PFKFB1: variants seen among roughly 807,000 people sequenced by gnomAD.
The protein encoded by PFKFB1 is 6-phosphofructo-2-kinase/fructose-2,6-bisphosphatase 1.
A neutral mutation model predicts 46.4 loss-of-function variants in PFKFB1; 34 were observed. The ratio of observed to expected loss-of-function variants is 0.73; its 90% CI spans 0.56 to 0.98. The LOEUF is 0.98. Among genes scored for constraint, PFKFB1 ranks in the 50% least tolerant of loss-of-function variants. The pLI is 0.00. For synonymous variants in PFKFB1, 119 were observed against 133.8 expected (o/e 0.89, Z 0.76); for missense variants, 393 against 376.3 (o/e 1.04, Z -0.37).
At chrX:54,936,401 A>G (rs774909575) in intron 11 of PFKFB1, among the ~76,000 whole-genome samples, 1 of 111,217 alleles carries the variant, frequency 9.0e-6, no homozygotes, top group African/African-American at 3.3e-5. Context: ...ACATCTGTCC[A>G]GTGCTGCCCT....
At chrX:54,971,708 G>A (rs1346358253) in intron 1 of PFKFB1, among the ~76,000 whole-genome samples, 1 of 111,741 alleles carries the variant, frequency 8.9e-6, no homozygotes, top group African/African-American at 3.3e-5. Context: ...TCTCTGTTTT[G>A]GTACCAGTAC....
chrX:54,988,255 A>C (rs1935154840), intron 1 of PFKFB1, among the ~76,000 whole-genome samples: 1 of 111,783 alleles, frequency 8.9e-6, no homozygotes, highest in Admixed American at 9.5e-5. Flanking sequence ...GCATCAAAAC[A>C]ATAAAATGCT....
At position 54,937,712 on chromosome X, in the gene PFKFB1, G is replaced by T. The variant is rs1373297950; in HGVS notation, c.1111C>A (p.Leu371Met). 14 of 1,208,533 alleles carry T rather than the reference G, an allele frequency of 1.2e-5. No individual in the cohort carries two copies. Among genetic ancestry groups the T allele is most frequent in the Non-Finnish European group, 1.6e-5 (14 of 892,940 alleles). Residue 371 changes from leucine to methionine, a missense_variant, in exon 11 of 14, where the codon CTG (leucine) becomes ATG (methionine). Physicochemically the swap from Leu to Met is conservative, Grantham distance 15. Coordinates refer to ENST00000375006, the MANE Select transcript of PFKFB1 (RefSeq NM_002625.4). ...ATCACTGGCTCCAGACGCTGAACCA[G>T]ATCCTCATAGGACTAAACGTAAGAG... ...RYPKGESYED[L>M]VQRLEPVIME... is the part of the protein sequence containing the mutation.
chrX:54,948,955 G>C lies in PFKFB1; in HGVS notation c.993+120C>G. On this transcript the variant is annotated intron_variant, in intron 9 of 13. Transcript: ENST00000375006. ...AATAAGGTCTAGCACATGGCTAGTT[G>C]TCAAAAAAGTTTGTTGAATTAATTA... The C allele has an allele frequency of 6.4e-6, 5 of 781,505 alleles. No individual in the cohort carries two copies. The Admixed American group carries it at 1.3e-4, about 21-fold the overall frequency. 64.4% of individuals were successfully genotyped at this position (781,505 alleles called of 1,213,427 possible). A position where few individuals can be genotyped will look rare whatever the true frequency, so the allele number is the denominator to read the frequency against.
At chrX:54,954,204 T>C (rs936228267) in intron 7 of PFKFB1, among the ~76,000 whole-genome samples, 1 of 112,428 alleles carries the variant, frequency 8.9e-6, no homozygotes, top group South Asian at 3.7e-4. Context: ...GTTTTTGAAA[T>C]AGTCAATATT....
At position 54,938,757 on chromosome X, in the gene PFKFB1, T is replaced by A. The variant is rs1181792945; in HGVS notation, c.1099-1033A>T. Among the ~76,000 whole-genome samples, 22 of 111,459 alleles carry A rather than the reference T, an allele frequency of 2.0e-4. No individual in the cohort carries two copies. In the East Asian group the frequency reaches 5.1e-3, roughly 26 times the overall value. On this transcript the variant is annotated intron_variant, in intron 10 of 13. Coordinates refer to ENST00000375006, the MANE Select transcript of PFKFB1 (RefSeq NM_002625.4). The stretch of plus-strand genomic sequence containing the variant: ...TTCATAAAGCAAGTCCTGAGTGACC[T>A]ACAAAGAGACTTAGACTCCCACACA...
intron 1 of PFKFB1, among the ~76,000 whole-genome samples, chrX:54,977,329 C>G (rs1934865441): frequency 9.0e-6 from 1 of 110,508 alleles, no homozygotes; most frequent in Admixed American, 9.7e-5. Context: ...ACACTGTACT[C>G]TAATTGATAA....
At chrX:54,998,190 C>G (rs1176305500), upstream of PFKFB1, among the ~76,000 whole-genome samples, 1 of 112,288 alleles carries the variant, frequency 8.9e-6, no homozygotes, top group Non-Finnish European at 1.9e-5. Context: ...GTGAATTGCC[C>G]TGGGGGCCAG....
intron 1 of PFKFB1, among the ~76,000 whole-genome samples, chrX:54,966,348 A>C (rs1934474237): frequency 8.9e-6 from 1 of 112,258 alleles, no homozygotes; most frequent in African/African-American, 3.2e-5. Flanking sequence ...AGTACCAACT[A>C]AACAATTGCA....
intron 1 of PFKFB1, among the ~76,000 whole-genome samples, chrX:54,983,366 C>T (rs1475967476): frequency 9.0e-6 from 1 of 111,162 alleles, no homozygotes; most frequent in Non-Finnish European, 1.9e-5. Flanking sequence ...TGTTGTTCCC[C>T]TCTATGTCCA....
Position 54,933,175 on chromosome X carries a change from T to A in PFKFB1, c.*228A>T, listed in dbSNP as rs1324907338. 15 of 417,194 alleles carry A rather than the reference T, an allele frequency of 3.6e-5. 1 individual carries two copies. Among genetic ancestry groups the A allele is most frequent in the South Asian group, 3.3e-4 (9 of 26,921 alleles). The allele number at this position is 417,194 out of a possible 1,213,427, so 34.4% of individuals were successfully genotyped here. ...CTCCTCTCCTCTTGTAGGCAGTAAGTCTTTATTCGTCAGAGAATAGGAATT... is the reference window on the plus strand; with the variant it reads ...CTCCTCTCCTCTTGTAGGCAGTAAGACTTTATTCGTCAGAGAATAGGAATT... On this transcript the variant is annotated 3_prime_UTR_variant, in exon 14 of 14. Transcript: ENST00000375006.
intron 12 of PFKFB1, among the ~76,000 whole-genome samples, chrX:54,934,481 G>T (rs1480731183): frequency 9.0e-6 from 1 of 111,490 alleles, no homozygotes; most frequent in African/African-American, 3.3e-5. Flanking sequence ...CTTCATCCCT[G>T]TGGACTGCAC....
At chrX:54,974,838 C>T (rs1242362166) in intron 1 of PFKFB1, among the ~76,000 whole-genome samples, 1 of 111,322 alleles carries the variant, frequency 9.0e-6, no homozygotes, top group Non-Finnish European at 1.9e-5. Context: ...AAACAGCGAA[C>T]AAACACATGA....
intron 1 of PFKFB1, among the ~76,000 whole-genome samples, chrX:54,976,012 T>C (rs1359938558): frequency 9.0e-6 from 1 of 111,459 alleles, no homozygotes; most frequent in Non-Finnish European, 1.9e-5. Context: ...TGGGAGAGAA[T>C]GTAAAATATT....
chrX:54,939,946 A>G (rs921660578), intron 10 of PFKFB1, among the ~76,000 whole-genome samples: 3 of 111,915 alleles, frequency 2.7e-5, no homozygotes, highest in African/African-American at 9.8e-5. Flanking sequence ...AAAAAAGGAG[A>G]ATTTTAGACC....
At chrX:54,974,213 C>T (rs1285740174) in intron 1 of PFKFB1, among the ~76,000 whole-genome samples, 1 of 111,967 alleles carries the variant, frequency 8.9e-6, no homozygotes, top group African/African-American at 3.2e-5. Flanking sequence ...TACTGCAAGG[C>T]TATAGTTACC....
intron 1 of PFKFB1, among the ~76,000 whole-genome samples, chrX:54,980,239 C>T (rs142410941): frequency 1.9e-4 from 21 of 110,991 alleles, no homozygotes; most frequent in Admixed American, 8.6e-4. Context: ...TAAGCCACTA[C>T]GTTTTGAGGT....
chrX:54,947,366 G>T (rs1001007894), intron 9 of PFKFB1, among the ~76,000 whole-genome samples: 1 of 111,762 alleles, frequency 8.9e-6, no homozygotes, highest in African/African-American at 3.3e-5. Flanking sequence ...GAATGAATTA[G>T]ATCAATTTCC....
At chrX:54,969,999 C>T (rs1392308205) in intron 1 of PFKFB1, among the ~76,000 whole-genome samples, 1 of 111,727 alleles carries the variant, frequency 9.0e-6, no homozygotes, top group East Asian at 2.8e-4. Context: ...ACCTCTGCTT[C>T]CGAGGTTCAA....
Sources: gnomAD v4.1 joint callset for allele counts (sites outside exome capture counted in the v4.1 genomes callset) on GRCh38, gnomAD v4.1.1 for gene constraint, MANE v1.5 for transcripts, NCBI Gene and HGNC (gene_info 2026-07-23, HGNC 2026-07-21) for gene names.